Variants in CDH9 observed in about 807,000 individuals in gnomAD.
The protein encoded by CDH9 is cadherin 9, also known as cadherin-9.
A neutral mutation model predicts 70.9 loss-of-function variants in CDH9; 28 were observed. That is an observed-to-expected ratio of 0.40 (90% CI 0.29 to 0.54). CDH9 has a LOEUF of 0.54. CDH9 is among the 20% of genes least tolerant of loss of function. The pLI, the probability that CDH9 is intolerant of heterozygous loss-of-function variation, is 0.59. For synonymous variants in CDH9, 409 were observed against 343.1 expected (o/e 1.19, Z -2.12); for missense variants, 874 against 984.4 (o/e 0.89, Z 1.50).
At chr5:26,990,788 C>A (rs576671249) in intron 1 of CDH9, among the ~76,000 whole-genome samples, 9 of 152,154 alleles carry the variant, frequency 5.9e-5, no homozygotes, top group Admixed American at 1.3e-4. Flanking sequence ...ACCCTGGTTT[C>A]TTCCCACTGG....
chr5:27,007,712 A>G (rs886341642), intron 1 of CDH9, among the ~76,000 whole-genome samples: 4 of 152,100 alleles, frequency 2.6e-5, no homozygotes, highest in Admixed American at 2.6e-4. Flanking sequence ...TAATTAATTC[A>G]ATAAATAACA....
rs75490006 is a variant in CDH9 at position 26,900,644 on chromosome 5, G to T, written c.1253+1832C>A. On this transcript the variant is annotated intron_variant, in intron 7 of 11. Coordinates refer to ENST00000231021, the MANE Select transcript of CDH9 (RefSeq NM_016279.4). Reference sequence around the variant, plus strand: ...AGCAATAACATGTTTCATCATCTAAGTTGATATGATGTCATTGTTTACAGT... The same window carrying T: ...AGCAATAACATGTTTCATCATCTAATTTGATATGATGTCATTGTTTACAGT... Among the ~76,000 whole-genome samples, 622 of 152,192 alleles carry T rather than the reference G, an allele frequency of 4.1e-3. 2 individuals carry two copies. Among genetic ancestry groups the T allele is most frequent in the Non-Finnish European group, 5.8e-3 (396 of 67,958 alleles).
In CDH9 at chr5:26,890,442, G is replaced by A. The variant is rs1740637008; in HGVS notation, c.1376C>T (p.Thr459Ile). The A allele has an allele frequency of 6.2e-7, 1 of 1,613,452 alleles. No individual in the cohort carries two copies. The highest frequency in any genetic ancestry group is 1.3e-5 in the African/African-American group (1 of 74,926). ...CTCCAACTTACTTATTTCTGTGGCTGTAACAGTGATGTTATGCCAAGGAGA... is the reference window on the plus strand; with the variant it reads ...CTCCAACTTACTTATTTCTGTGGCTATAACAGTGATGTTATGCCAAGGAGA... ...ESSPWHNITV[T>I]ATEINNPKQS... Residue 459 changes from threonine to isoleucine, a missense_variant, in exon 8 of 12, where the codon ACA (threonine) becomes ATA (isoleucine). Physicochemically the swap from Thr to Ile is moderately conservative, Grantham distance 89 (BLOSUM62 -1). Transcript: ENST00000231021.
In CDH9 at chr5:26,881,229, A is replaced by G. The variant is rs748825813; in HGVS notation, c.2277T>C (p.Asp759=). ...TGAGGTAATCATAATCTTGGTTACA[A>G]TCAGCTGTGAGAGATTCCAAAGAAC... The part of the protein sequence containing the change: ...SLSSLESLTA[D]CNQDYDYLSD... Residue 759 remains aspartate, a synonymous_variant, in exon 12 of 12, where the codon GAT becomes GAC. Transcript: ENST00000231021. 1.2e-6 allele frequency: 2 copies of G among 1,613,438 alleles called. No individual in the cohort carries two copies. The highest frequency in any genetic ancestry group is 2.2e-5 in the East Asian group (1 of 44,866).
At chr5:26,952,213 C>T (rs1459739487) in intron 2 of CDH9, among the ~76,000 whole-genome samples, 1 of 150,046 alleles carries the variant, frequency 6.7e-6, no homozygotes, top group Non-Finnish European at 1.5e-5. Flanking sequence ...ATCTGCCTGC[C>T]TTGGCCTCCT....
intron 2 of CDH9, among the ~76,000 whole-genome samples, chr5:26,957,027 G>T (rs1265489971): frequency 1.7e-5 from 2 of 120,844 alleles, no homozygotes; most frequent in Non-Finnish European, 1.8e-5. Flanking sequence ...ATTTCACTTT[G>T]GCCATTTAAT....
At position 27,019,868 on chromosome 5, in the gene CDH9, C is replaced by T. The variant is rs766198901; in HGVS notation, c.-50+18595G>A. On this transcript the variant is annotated intron_variant, in intron 1 of 11. Coordinates refer to ENST00000231021, the MANE Select transcript of CDH9 (RefSeq NM_016279.4). ...CTCTACATGCAAAATTCTTAATATT[C>T]GTCTACCACATAGGGAATTTGAAGT... 1.2e-3 allele frequency among the ~76,000 whole-genome samples: 186 copies of T among 151,776 alleles called. 1 individual carries two copies. The highest frequency in any genetic ancestry group is 1.0e-3 in the Non-Finnish European group (69 of 67,820).
chr5:27,021,354 A>G (rs766909555), intron 1 of CDH9, among the ~76,000 whole-genome samples: 14 of 151,868 alleles, frequency 9.2e-5, no homozygotes, highest in Admixed American at 6.6e-4. Flanking sequence ...CCCCAGAAGA[A>G]AATGTTTTTC....
intron 1 of CDH9, among the ~76,000 whole-genome samples, chr5:27,030,870 A>G (rs1029258458): frequency 1.3e-5 from 2 of 151,868 alleles, no homozygotes; most frequent in Admixed American, 6.6e-5. Context: ...TTACATCTAG[A>G]TATAATTATA....
chr5:26,933,882 G>A (rs1006489248), intron 2 of CDH9, among the ~76,000 whole-genome samples: 13 of 152,042 alleles, frequency 8.6e-5, no homozygotes, highest in Non-Finnish European at 1.3e-4. Flanking sequence ...CATGAACACA[G>A]GATAGTAAAC....
chr5:26,984,822 T>G (rs1742462858), intron 2 of CDH9, among the ~76,000 whole-genome samples: 1 of 152,168 alleles, frequency 6.6e-6, no homozygotes, highest in African/African-American at 2.4e-5. Flanking sequence ...AAATCTCTGA[T>G]AGTTTCAGTC....
chr5:26,951,104 C>T (rs1212840740), intron 2 of CDH9, among the ~76,000 whole-genome samples: 1 of 151,594 alleles, frequency 6.6e-6, no homozygotes, highest in Non-Finnish European at 1.5e-5. Flanking sequence ...CAAGCCTGAC[C>T]AACATGGTGA....
intron 9 of CDH9, among the ~76,000 whole-genome samples, chr5:26,887,982 C>T (rs563325325): frequency 6.6e-6 from 1 of 152,234 alleles, no homozygotes; most frequent in African/African-American, 2.4e-5. Flanking sequence ...GCCTCCAAAA[C>T]TATGAGAAAT....
At chr5:26,958,418 G>A (rs1378513528) in intron 2 of CDH9, among the ~76,000 whole-genome samples, 2 of 152,104 alleles carry the variant, frequency 1.3e-5, no homozygotes, top group Middle Eastern at 3.2e-3. Flanking sequence ...TGACCTCCCC[G>A]TTTGCCTGCC....
At chr5:26,923,755 G>A (rs1741288986) in intron 2 of CDH9, among the ~76,000 whole-genome samples, 2 of 152,024 alleles carry the variant, frequency 1.3e-5, no homozygotes, top group South Asian at 2.1e-4. Flanking sequence ...TCAAACACAT[G>A]AGGAATTTTA....
intron 2 of CDH9, among the ~76,000 whole-genome samples, chr5:26,966,546 A>G (rs1742133002): frequency 6.6e-6 from 1 of 152,158 alleles, no homozygotes; most frequent in African/African-American, 2.4e-5. Context: ...CTTTTCCTAC[A>G]ATAAATGAGG....
intron 2 of CDH9, among the ~76,000 whole-genome samples, chr5:26,983,082 G>A (rs1020373076): frequency 2.0e-5 from 3 of 152,108 alleles, no homozygotes; most frequent in Non-Finnish European, 4.4e-5. Context: ...CACAGAAGTT[G>A]TGGTAAGACA....
At chr5:26,927,892 C>T (rs62346437) in intron 2 of CDH9, among the ~76,000 whole-genome samples, 26,691 of 151,922 alleles carry the variant, frequency 0.18, 2,594 homozygotes, top group South Asian at 0.36. Flanking sequence ...GTGGCCCCCA[C>T]AGCACAAACA....
intron 2 of CDH9, among the ~76,000 whole-genome samples, chr5:26,946,378 T>G (rs1479400873): frequency 1.3e-5 from 2 of 152,166 alleles, no homozygotes; most frequent in African/African-American, 4.8e-5. Flanking sequence ...TTATAAACAC[T>G]CTTTTGCTCA....
Sources: allele counts gnomAD v4.1 joint callset (sites outside exome capture counted in the v4.1 genomes callset), GRCh38; gene constraint gnomAD v4.1.1; transcripts MANE v1.5; gene names NCBI Gene and HGNC (gene_info 2026-07-23, HGNC 2026-07-21).